The following CCDC13 variants were observed in gnomAD, a reference collection of about 807,000 sequenced individuals.
The protein encoded by CCDC13 is coiled-coil domain-containing protein 13.
CCDC13 carries 70 observed loss-of-function variants against 87.3 expected under a neutral mutation model. That is an observed-to-expected ratio of 0.80 (90% CI 0.66 to 0.98). CCDC13 has a LOEUF of 0.98. CCDC13 is among the 50% of genes least tolerant of loss of function. CCDC13 has a pLI of 0.00. For synonymous variants in CCDC13, 317 were observed against 360.3 expected (o/e 0.88, Z 1.36); for missense variants, 842 against 892.0 (o/e 0.94, Z 0.71).
Position 42,739,617 on chromosome 3 carries a change from G to C in CCDC13, c.1164+17C>G, listed in dbSNP as rs1233147105. 1 of 1,609,786 alleles carries C rather than the reference G, an allele frequency of 6.2e-7. No individual in the cohort carries two copies. Among genetic ancestry groups the C allele is most frequent in the Admixed American group, 1.7e-5 (1 of 59,564 alleles). On this transcript the variant is annotated intron_variant, in intron 9 of 15. Coordinates refer to ENST00000310232, the MANE Select transcript of CCDC13 (RefSeq NM_144719.4). ...ACCACCCCTGGCTCTCGCCCTGCCT[G>C]AGTGGTGGGGCCATACCATGAGGGC...
chr3:42,747,194 C>T (rs1332887453), intron 6 of CCDC13, 63 bp downstream of exon 6: 1 of 1,210,118 alleles, frequency 8.3e-7, no homozygotes, highest in East Asian at 2.3e-5. Context: ...ACTGTGCCAG[C>T]CGTGCTCTTC....
intron 10 of CCDC13, among the ~76,000 whole-genome samples, chr3:42,734,739 C>G (rs1220698598): frequency 6.6e-6 from 1 of 152,222 alleles, no homozygotes; most frequent in East Asian, 1.9e-4. Context: ...CCAGAGGCTG[C>G]AAGGCTCCTT....
At chr3:42,763,523 T>A (rs1699875976) in intron 1 of CCDC13, among the ~76,000 whole-genome samples, 1 of 150,444 alleles carries the variant, frequency 6.6e-6, no homozygotes, top group Admixed American at 6.6e-5. Context: ...TTTTTTTTTT[T>A]AGATGAAGTC....
chr3:42,762,598 C>T (rs933199951), intron 1 of CCDC13, among the ~76,000 whole-genome samples: 2 of 152,108 alleles, frequency 1.3e-5, no homozygotes, highest in Non-Finnish European at 2.9e-5. Flanking sequence ...TAAGTTGCCA[C>T]GAATTGTTTC....
chr3:42,740,325 C>G (rs1417492049), intron 8 of CCDC13, among the ~76,000 whole-genome samples: 1 of 152,198 alleles, frequency 6.6e-6, no homozygotes, highest in East Asian at 1.9e-4. Context: ...CTTGCTTTGT[C>G]AGCTACCAAC....
intron 1 of CCDC13, among the ~76,000 whole-genome samples, chr3:42,765,753 T>C (rs1699918771): frequency 6.6e-6 from 1 of 152,054 alleles, no homozygotes; most frequent in South Asian, 2.1e-4. Flanking sequence ...GGACGGTGCC[T>C]GAGTGGGGGG....
rs56224625 is a variant in CCDC13 at position 42,725,533 on chromosome 3, CA to C, written c.1718+4933del. 3.6e-3 allele frequency among the ~76,000 whole-genome samples: 332 copies of C among 91,432 alleles called. 4 individuals are homozygous for C. The highest frequency in any genetic ancestry group is 8.0e-3 in the African/African-American group (187 of 23,324). The allele number at this position is 91,432 out of a possible 152,430, so 60.0% of individuals were successfully genotyped here. A position where few individuals can be genotyped will look rare whatever the true frequency, so the allele number is the denominator to read the frequency against. ...TGGGTGACAGAGTGAGACCCTGTCT[CA>C]AAAAAAAAAAAAAAGAGGACTAAGA... On this transcript the variant is annotated intron_variant, in intron 13 of 15. Transcript: ENST00000310232.
At chr3:42,744,804 C>CAAAAAAAAA (rs56234512) in intron 7 of CCDC13, 1 of 47,526 alleles carries the variant, frequency 2.1e-5, no homozygotes, top group African/African-American at 8.5e-5. Flanking sequence ...GACTCCGTCT[C>CAAAAAAAAA]AAAAAAAAAA....
chr3:42,713,221 A>G lies in CCDC13; in HGVS notation c.1814T>C (p.Ile605Thr), dbSNP rs751289042. ...TGATGCCTTCCCTGGCTCCAGGCGT[A>G]TCTTCTCCAGATGTTGCTCCAGCAC... ...TVVLEQHLEK[I>T]RLEPGKASAS... is the part of the protein sequence containing the mutation. Residue 605 changes from isoleucine to threonine, a missense_variant, in exon 14 of 16, where the codon ATA becomes ACA. Transcript: ENST00000310232. 12 of 1,614,196 alleles carry G rather than the reference A, an allele frequency of 7.4e-6. No individual in the cohort carries two copies. The South Asian group carries it at 1.2e-4, about 16-fold the overall frequency.
intron 12 of CCDC13, among the ~76,000 whole-genome samples, chr3:42,732,119 G>C (rs1266661142): frequency 1.3e-5 from 2 of 152,220 alleles, no homozygotes; most frequent in African/African-American, 4.8e-5. Context: ...CACATGCCTT[G>C]TGGCTCAGTG....
At chr3:42,762,952 T>C (rs545050047) in intron 1 of CCDC13, among the ~76,000 whole-genome samples, 5 of 151,822 alleles carry the variant, frequency 3.3e-5, no homozygotes, top group African/African-American at 1.2e-4. Context: ...GTCTCCAAAA[T>C]AAAAAAAGAA....
At chr3:42,748,076 CTT>C (rs200249855) in intron 5 of CCDC13, among the ~76,000 whole-genome samples, 9 of 146,354 alleles carry the variant, frequency 6.1e-5, no homozygotes, top group East Asian at 2.0e-4. Flanking sequence ...TTAGCAATGT[CTT>C]TTTTTTTTTT....
chr3:42,714,146 C>CA (rs1193203098), intron 13 of CCDC13: 1 of 152,220 alleles, frequency 6.6e-6, no homozygotes, highest in African/African-American at 2.4e-5. Flanking sequence ...TGACTTCCTC[C>CA]ACAGCAACTC....
intron 1 of CCDC13, among the ~76,000 whole-genome samples, chr3:42,765,720 A>G (rs1699917611): frequency 6.6e-6 from 1 of 152,234 alleles, no homozygotes; most frequent in Admixed American, 6.5e-5. Context: ...TGAATGCAGA[A>G]GAAATTCACC....
chr3:42,712,137 C>T (rs1218807870), intron 14 of CCDC13, among the ~76,000 whole-genome samples: 1 of 152,178 alleles, frequency 6.6e-6, no homozygotes, highest in Non-Finnish European at 1.5e-5. Flanking sequence ...CCTTCTGAAA[C>T]GTTCTGACCT....
chr3:42,737,932 A>G (rs1699083514), intron 9 of CCDC13, among the ~76,000 whole-genome samples: 1 of 152,116 alleles, frequency 6.6e-6, no homozygotes, highest in Non-Finnish European at 1.5e-5. Flanking sequence ...CCATTTGTCT[A>G]TTTTGGCTTT....
At chr3:42,758,083 A>ACACT in intron 2 of CCDC13, 42 bp downstream of exon 2, 1 of 1,531,148 alleles carries the variant, frequency 6.5e-7, no homozygotes, top group Non-Finnish European at 9.0e-7. Context: ...ACACACACAC[A>ACACT]CACACACACA....
chr3:42,749,077 T>C (rs1023185055), intron 5 of CCDC13, among the ~76,000 whole-genome samples: 2 of 152,104 alleles, frequency 1.3e-5, no homozygotes, highest in Non-Finnish European at 2.9e-5. Flanking sequence ...TTTTAAAGTA[T>C]ATTTTCTTCT....
intron 5 of CCDC13, among the ~76,000 whole-genome samples, chr3:42,750,965 C>A (rs925341149): frequency 7.1e-6 from 1 of 140,472 alleles, no homozygotes; most frequent in Non-Finnish European, 1.6e-5. Context: ...GAGGGCAGAG[C>A]CCCTCTTCTA....
Sources: allele counts gnomAD v4.1 joint callset (sites outside exome capture counted in the v4.1 genomes callset), GRCh38; gene constraint gnomAD v4.1.1; transcripts MANE v1.5; gene names NCBI Gene and HGNC (gene_info 2026-07-23, HGNC 2026-07-21).